The following PCDH15 variants were observed in gnomAD, a reference collection of about 807,000 sequenced individuals.
PCDH15 encodes the protein protocadherin-15.
PCDH15 carries 129 observed loss-of-function variants against 178.5 expected under a neutral mutation model. The observed-to-expected ratio is 0.72, with a 90% CI of 0.63 to 0.84. PCDH15 has a LOEUF of 0.84. Ranked by LOEUF, PCDH15 falls within the 40% of genes least tolerant of loss-of-function variation. The pLI is 0.00. For synonymous variants in PCDH15, 800 were observed against 732.0 expected, an observed-to-expected ratio of 1.09 and a Z score of -1.50; for missense variants, 2,230 against 2,099.9, an observed-to-expected ratio of 1.06 and a Z score of -1.21.
At chr10:54,099,959 T>A (rs1033550271) in intron 15 of PCDH15, among the ~76,000 whole-genome samples, 2 of 152,208 alleles carry the variant, frequency 1.3e-5, no homozygotes, top group African/African-American at 4.8e-5. Context: ...AGACATCTAT[T>A]CTAAATCATA....
In PCDH15 at chr10:55,600,718, C is replaced by T. The variant is rs1843058164; in HGVS notation, c.-156+26907G>A. Among the ~76,000 whole-genome samples, 4 of 152,014 alleles carry T rather than the reference C, an allele frequency of 2.6e-5. No homozygotes were observed. In the South Asian group the frequency reaches 8.3e-4, roughly 32 times the overall value. On this transcript the variant is annotated intron_variant, in intron 2 of 5. Transcript: ENST00000613346. Reference sequence around the variant, plus strand: ...ATGAAAGGATATGAGAAACCGGGCCCACTTCACAAAGTGCCCTTACAAGAC... The same window carrying T: ...ATGAAAGGATATGAGAAACCGGGCCTACTTCACAAAGTGCCCTTACAAGAC...
intron 3 of PCDH15, among the ~76,000 whole-genome samples, chr10:54,459,643 G>A (rs977299217): frequency 1.3e-5 from 2 of 152,048 alleles, no homozygotes; most frequent in Admixed American, 6.6e-5. Context: ...AGACAGGATA[G>A]AAATAAGAAA....
At chr10:54,291,222 A>G (rs1183665492) in intron 8 of PCDH15, among the ~76,000 whole-genome samples, 3 of 152,176 alleles carry the variant, frequency 2.0e-5, no homozygotes, top group African/African-American at 7.2e-5. Flanking sequence ...CTGAATGACT[A>G]CTGGGTAAAT....
chr10:54,639,569 CA>C (rs892674058), intron 2 of PCDH15, among the ~76,000 whole-genome samples: 4 of 151,972 alleles, frequency 2.6e-5, no homozygotes, highest in African/African-American at 9.7e-5. Flanking sequence ...ATACTAATGC[CA>C]AATGATAAGG....
chr10:54,079,244 T>C (rs2094396354), intron 17 of PCDH15, 87 bp downstream of exon 17: 2 of 1,292,306 alleles, frequency 1.5e-6, no homozygotes, highest in Admixed American at 1.7e-5. Flanking sequence ...ATGAAAAACA[T>C]TAATTCATGT....
chr10:54,422,087 G>A (rs1182951570), intron 3 of PCDH15, among the ~76,000 whole-genome samples: 1 of 151,292 alleles, frequency 6.6e-6, no homozygotes, highest in Non-Finnish European at 1.5e-5. Flanking sequence ...ATTTTCTGTG[G>A]AGCTCCCAGA....
At position 54,955,650 on chromosome 10, in the gene PCDH15, A is replaced by T. The variant is rs535752801; in HGVS notation, c.-79-58150T>A. 2.6e-5 allele frequency among the ~76,000 whole-genome samples: 4 copies of T among 151,514 alleles called. No individual in the cohort carries two copies. In the South Asian group the frequency reaches 8.3e-4, roughly 31 times the overall value. On this transcript the variant is annotated intron_variant, in intron 2 of 5. Coordinates refer to the PCDH15 transcript ENST00000458638. ...TTTGATTTTCTTCTTTTTATGTAGT[A>T]TGTAATTTTTTCAGTAAATAATCAA...
chr10:55,233,032 T>C (rs1039712656), intron 1 of PCDH15, among the ~76,000 whole-genome samples: 3 of 149,802 alleles, frequency 2.0e-5, no homozygotes, highest in African/African-American at 7.4e-5. Flanking sequence ...TACTTAGCAA[T>C]AGGAAACTAA....
At chr10:55,566,663 A>G (rs1320902259) in intron 2 of PCDH15, among the ~76,000 whole-genome samples, 1 of 151,828 alleles carries the variant, frequency 6.6e-6, no homozygotes, top group African/African-American at 2.4e-5. Context: ...CAAAAACAAA[A>G]TTAATAAAAT....
chr10:55,454,562 G>A (rs1419271895), intron 2 of PCDH15, among the ~76,000 whole-genome samples: 2 of 150,742 alleles, frequency 1.3e-5, no homozygotes, highest in African/African-American at 4.9e-5. Flanking sequence ...CGGATCATGA[G>A]ATCAGGAGAT....
At chr10:54,127,991 G>A (rs185159628) in intron 15 of PCDH15, among the ~76,000 whole-genome samples, 6 of 152,288 alleles carry the variant, frequency 3.9e-5, no homozygotes, top group Admixed American at 2.6e-4. Context: ...GTGGGTGGAT[G>A]TGATAATCTC....
chr10:55,586,809 G>C (rs1041585126), intron 2 of PCDH15, among the ~76,000 whole-genome samples: 1 of 151,822 alleles, frequency 6.6e-6, no homozygotes, highest in Non-Finnish European at 1.5e-5. Flanking sequence ...GATGTACTTT[G>C]GTCAAAAAAA....
intron 2 of PCDH15, among the ~76,000 whole-genome samples, chr10:55,398,827 A>T (rs1398071546): frequency 6.6e-6 from 1 of 152,166 alleles, no homozygotes; most frequent in African/African-American, 2.4e-5. Flanking sequence ...GAGACATAGT[A>T]GGTACTCAGT....
intron 8 of PCDH15, among the ~76,000 whole-genome samples, chr10:54,277,706 A>G (rs1287415275): frequency 6.6e-6 from 1 of 151,640 alleles, no homozygotes; most frequent in South Asian, 2.1e-4. Flanking sequence ...TTTCTTGGTT[A>G]CTATAAAAGT....
At chr10:53,967,460 A>G (rs2660190) in intron 21 of PCDH15, among the ~76,000 whole-genome samples, 109,856 of 152,090 alleles carry the variant, frequency 0.72, 39,974 homozygotes, top group East Asian at 0.87. Context: ...TTGTAGAGAT[A>G]AGGATTTCTT....
chr10:54,810,090 T>G (rs1472627436), intron 3 of PCDH15, among the ~76,000 whole-genome samples: 1 of 152,122 alleles, frequency 6.6e-6, no homozygotes, highest in Non-Finnish European at 1.5e-5. Flanking sequence ...TTAAATAGCC[T>G]CAAGATGCTC....
chr10:54,961,667 T>C (rs1386449218), intron 2 of PCDH15, among the ~76,000 whole-genome samples: 1 of 152,216 alleles, frequency 6.6e-6, no homozygotes, highest in Middle Eastern at 3.2e-3. Context: ...GGGATTCCTC[T>C]ACAATCTTCC....
chr10:54,160,529 C>T (rs1048434521), intron 13 of PCDH15, among the ~76,000 whole-genome samples: 1 of 151,994 alleles, frequency 6.6e-6, no homozygotes, highest in African/African-American at 2.4e-5. Flanking sequence ...TTAAATATGA[C>T]AGTAAAAGTA....
chr10:55,247,022 C>T (rs1841694431), intron 1 of PCDH15, among the ~76,000 whole-genome samples: 1 of 152,074 alleles, frequency 6.6e-6, no homozygotes, highest in South Asian at 2.1e-4. Flanking sequence ...AGTTTAAGCA[C>T]AAATATGCAA....
Sources: allele counts gnomAD v4.1 joint callset (sites outside exome capture counted in the v4.1 genomes callset), GRCh38; gene constraint gnomAD v4.1.1; transcripts MANE v1.5; gene names NCBI Gene and HGNC (gene_info 2026-07-23, HGNC 2026-07-21).